The following LHFPL7 variants were observed in gnomAD, a reference collection of about 807,000 sequenced individuals.
LHFPL7 encodes LHFPL tetraspan subfamily member 7 protein.
At chr22:24,940,442 A>C in the LHFPL7 span, among the ~76,000 whole-genome samples, 4 of 150,328 alleles carry the variant, frequency 2.7e-5, no homozygotes, top group Admixed American at 6.6e-5. Context: ...AAATACAAAA[A>C]AAAATTAGCC....
At chr22:24,938,379 CAGAA>C in the LHFPL7 span, 12 of 1,603,298 alleles carry the variant, frequency 7.5e-6, no homozygotes, top group African/African-American at 5.4e-5. Flanking sequence ...AAGGAAGAGA[CAGAA>C]GGAAGGGTGT....
the LHFPL7 span, among the ~76,000 whole-genome samples, chr22:24,943,943 G>A: frequency 2.0e-5 from 3 of 152,146 alleles, no homozygotes; most frequent in East Asian, 3.9e-4. Context: ...GTAAATTGGA[G>A]GGGTTGATCA....
At chr22:24,941,360 G>T in the LHFPL7 span, among the ~76,000 whole-genome samples, 1 of 151,856 alleles carries the variant, frequency 6.6e-6, no homozygotes, top group African/African-American at 2.4e-5. Flanking sequence ...GTAGAGATGG[G>T]GTTTCACCAT....
the LHFPL7 span, among the ~76,000 whole-genome samples, chr22:24,937,844 C>T: frequency 2.0e-5 from 3 of 152,304 alleles, no homozygotes; most frequent in East Asian, 5.8e-4. Flanking sequence ...ACATCCCCAA[C>T]TGTGTATGGT....
At chr22:24,938,179 C>T in the LHFPL7 span, 1 of 1,614,114 alleles carries the variant, frequency 6.2e-7, no homozygotes, top group Admixed American at 1.7e-5. Context: ...GGCATTGGAA[C>T]ACTGCTTCTC....
At chr22:24,942,077 G>A in the LHFPL7 span, among the ~76,000 whole-genome samples, 1 of 151,904 alleles carries the variant, frequency 6.6e-6, no homozygotes, top group Non-Finnish European at 1.5e-5. Context: ...TTCACTGCAA[G>A]CTCTGCTTCC....
the LHFPL7 span, among the ~76,000 whole-genome samples, chr22:24,937,203 C>G: frequency 6.6e-6 from 1 of 152,124 alleles, no homozygotes; most frequent in Non-Finnish European, 1.5e-5. Context: ...GAGGGAAGAT[C>G]CCTTAGCTAG....
the LHFPL7 span, chr22:24,935,137 T>C: frequency 1.5e-6 from 1 of 664,210 alleles, no homozygotes; most frequent in Non-Finnish European, 2.5e-6. Flanking sequence ...GCATCTCCAG[T>C]GAATTCTCAG....
the LHFPL7 span, among the ~76,000 whole-genome samples, chr22:24,935,778 A>G: frequency 6.6e-6 from 1 of 151,684 alleles, no homozygotes; most frequent in African/African-American, 2.4e-5. Context: ...GCTTCCAACT[A>G]TCTGTCCCTT....
chr22:24,945,307 G>A, the LHFPL7 span, among the ~76,000 whole-genome samples: 4 of 152,178 alleles, frequency 2.6e-5, no homozygotes, highest in Non-Finnish European at 4.4e-5. Flanking sequence ...GCTCCTGGGT[G>A]GAGAACAGGC....
the LHFPL7 span, among the ~76,000 whole-genome samples, chr22:24,940,718 TTTCCTTCCTTCCTTGC>T: frequency 8.3e-6 from 1 of 119,794 alleles, no homozygotes; most frequent in African/African-American, 3.4e-5. Flanking sequence ...CTTCCCTTTC[TTTCCTTCCTTCCTTGC>T]TTCCTTCCTT....
the LHFPL7 span, among the ~76,000 whole-genome samples, chr22:24,945,929 G>A: frequency 6.6e-6 from 1 of 152,206 alleles, no homozygotes; most frequent in Non-Finnish European, 1.5e-5. Flanking sequence ...ATTATGTAAC[G>A]GCTCTGAGCC....
At chr22:24,938,392 G>A in the LHFPL7 span, 2 of 1,587,894 alleles carry the variant, frequency 1.3e-6, no homozygotes, top group South Asian at 2.3e-5. Flanking sequence ...AAGGAAGGGT[G>A]TTGGCTGGGA....
chr22:24,940,513 G>A, the LHFPL7 span, among the ~76,000 whole-genome samples: 7 of 151,128 alleles, frequency 4.6e-5, no homozygotes, highest in South Asian at 2.1e-4. Flanking sequence ...GGAGAATGGC[G>A]TGAACCCGGG....
At chr22:24,944,928 G>T in the LHFPL7 span, among the ~76,000 whole-genome samples, 1,417 of 152,044 alleles carry the variant, frequency 9.3e-3, 22 homozygotes, top group African/African-American at 0.033. Context: ...TCCTGCCTCA[G>T]CCTCCTGAGT....
At chr22:24,943,801 A>C in the LHFPL7 span, among the ~76,000 whole-genome samples, 1 of 152,202 alleles carries the variant, frequency 6.6e-6, no homozygotes, top group Admixed American at 6.5e-5. Flanking sequence ...GGGGACAGGG[A>C]TGATTCCAGA....
the LHFPL7 span, among the ~76,000 whole-genome samples, chr22:24,935,981 A>C: frequency 6.6e-6 from 1 of 151,592 alleles, no homozygotes; most frequent in Non-Finnish European, 1.5e-5. Flanking sequence ...TCATCCATCC[A>C]CTAAAATATC....
the LHFPL7 span, chr22:24,935,511 A>C: frequency 1.5e-5 from 24 of 1,613,958 alleles, no homozygotes; most frequent in East Asian, 4.7e-4. Context: ...ACCATAATAC[A>C]TGGAGGAGGC....
At chr22:24,942,783 A>T in the LHFPL7 span, among the ~76,000 whole-genome samples, 1 of 152,246 alleles carries the variant, frequency 6.6e-6, no homozygotes, top group South Asian at 2.1e-4. Flanking sequence ...TGATGGAAAA[A>T]GGCAGAGAAG....
Sources: allele counts gnomAD v4.1 joint callset (sites outside exome capture counted in the v4.1 genomes callset), GRCh38; gene constraint gnomAD v4.1.1; transcripts MANE v1.5; gene names NCBI Gene and HGNC (gene_info 2026-07-23, HGNC 2026-07-21).